RIT1: variants seen among roughly 807,000 people sequenced by gnomAD.
RIT1 encodes the protein GTP-binding protein Rit1.
A neutral mutation model predicts 25.6 loss-of-function variants in RIT1; 6 were observed. The observed-to-expected ratio is 0.23, with a 90% confidence interval of 0.13 to 0.46. The LOEUF is 0.46. Ranked by LOEUF, RIT1 falls within the 20% of genes least tolerant of loss-of-function variation. RIT1 has a pLI of 0.99. For synonymous variants in RIT1, 81 were observed against 94.1 expected (o/e 0.86, Z 0.80); for missense variants, 219 against 284.4 (o/e 0.77, Z 1.65).
chr1:155,908,605 C>A (rs1470105991), intron 3 of RIT1, among the ~76,000 whole-genome samples: 1 of 150,910 alleles, frequency 6.6e-6, no homozygotes, highest in Non-Finnish European at 1.5e-5. Flanking sequence ...TCTTATCCCC[C>A]AGGCTGGAGT....
intron 3 of RIT1, among the ~76,000 whole-genome samples, chr1:155,905,147 T>C (rs572797151): frequency 2.0e-5 from 3 of 152,178 alleles, no homozygotes; most frequent in Non-Finnish European, 2.9e-5. Context: ...GACAGGAGTA[T>C]TGTTTGAGCC....
intron 3 of RIT1, 63 bp from the exon 4 acceptor site, chr1:155,904,867 A>G (rs909617049): frequency 1.8e-5 from 20 of 1,082,306 alleles, no homozygotes; most frequent in Non-Finnish European, 2.6e-5. Flanking sequence ...CCTATTTAAA[A>G]CTCATCTTAC....
chr1:155,904,919 T>C lies in RIT1; in HGVS notation c.164-115A>G, dbSNP rs1374853154. 7 of 697,564 alleles carry C rather than the reference T, an allele frequency of 1.0e-5. No homozygotes were observed. The East Asian group carries it at 1.8e-4, about 18-fold the overall frequency. The allele number at this position is 697,564 out of a possible 1,614,324, so 43.2% of individuals were successfully genotyped here. A position where few individuals can be genotyped will look rare whatever the true frequency, so the allele number is the denominator to read the frequency against. ...TCCAAATTCATTAAATGCCCACATTTTCTCAGGAAGCATGCTAAATCCACT... is the reference window on the plus strand; with the variant it reads ...TCCAAATTCATTAAATGCCCACATTCTCTCAGGAAGCATGCTAAATCCACT... On this transcript the variant is annotated intron_variant, in intron 3 of 5. Transcript: ENST00000368323.
chr1:155,899,368 A>G lies in RIT1; in HGVS notation c.*1020T>C. The G allele has an allele frequency of 4.4e-6, 1 of 225,426 alleles. No individual in the cohort carries two copies. Among genetic ancestry groups the G allele is most frequent in the Non-Finnish European group, 8.9e-6 (1 of 112,752 alleles). 14.0% of individuals were successfully genotyped at this position (225,426 alleles called of 1,614,324 possible). ...AGAGCACTGAGTCTAGTGATTGTCC[A>G]CGTCAAGGAGGCACACACACAATTT... On this transcript the variant is annotated 3_prime_UTR_variant, in exon 6 of 6. Coordinates refer to ENST00000368323, the MANE Select transcript of RIT1 (RefSeq NM_006912.6).
At position 155,910,779 on chromosome 1, in the gene RIT1, CCT is replaced by C; in HGVS notation, c.-20_-19del. 6.2e-7 allele frequency: 1 copy of C among 1,614,208 alleles called. No homozygotes were observed. The highest frequency in any genetic ancestry group is 8.5e-7 in the Non-Finnish European group (1 of 1,180,034). On this transcript the variant is annotated 5_prime_UTR_variant, in exon 2 of 6. Transcript: ENST00000368323. ...GAATCCATTGTCCTCTTGGGGCCTT[CCT>C]CGGTTGCCCCGAGGAAAAGCCACCT...
intron 5 of RIT1, among the ~76,000 whole-genome samples, chr1:155,901,628 G>GGT (rs1673314768): frequency 6.6e-6 from 1 of 151,892 alleles, no homozygotes; most frequent in Non-Finnish European, 1.5e-5. Context: ...CTCCAGCCTG[G>GGT]GTGACAGAGC....
At chr1:155,909,081 A>C (rs988223303) in intron 3 of RIT1, among the ~76,000 whole-genome samples, 4 of 151,922 alleles carry the variant, frequency 2.6e-5, no homozygotes, top group African/African-American at 4.8e-5. Flanking sequence ...AGTGTCACAT[A>C]CTGAAAATAA....
Position 155,898,518 on chromosome 1 carries a change from A to AAAAAAAAAAATATATATAT in RIT1, c.*1869_*1870insATATATATATTTTTTTTTT, listed in dbSNP as rs1557956996. The AAAAAAAAAAATATATATAT allele has an allele frequency of 2.5e-5, 1 of 40,754 alleles. No homozygotes were observed. Among genetic ancestry groups the AAAAAAAAAAATATATATAT allele is most frequent in the Non-Finnish European group, 4.7e-5 (1 of 21,368 alleles). The allele number at this position is 40,754 out of a possible 1,614,324, so 2.5% of individuals were successfully genotyped here. ...AAAAAAAAAAAAAAAAAAAAAAAAA[A>AAAAAAAAAAATATATATAT]ATATATATATATATATATATATATA... On this transcript the variant is annotated 3_prime_UTR_variant, in exon 6 of 6. Transcript: ENST00000368323.
Position 155,905,570 on chromosome 1 carries a change from T to C in RIT1, c.164-766A>G, listed in dbSNP as rs564018962. On this transcript the variant is annotated intron_variant, in intron 3 of 5. Coordinates refer to ENST00000368323, the MANE Select transcript of RIT1 (RefSeq NM_006912.6). ...AACTTTACCATTTATTAAATTGTTA[T>C]TATCTACCAGACATTATACTAAGTA... Among the ~76,000 whole-genome samples, 10 of 152,282 alleles carry C rather than the reference T, an allele frequency of 6.6e-5. 1 individual carries two copies. Among genetic ancestry groups the C allele is most frequent in the Admixed American group, 3.3e-4 (5 of 15,288 alleles).
At chr1:155,907,639 T>C (rs1571996796) in intron 3 of RIT1, among the ~76,000 whole-genome samples, 1 of 152,166 alleles carries the variant, frequency 6.6e-6, no homozygotes, top group Non-Finnish European at 1.5e-5. Context: ...TGCACTAAAT[T>C]AGAAACTCAA....
rs763494925 is a variant in RIT1, at chr1:155,904,518, G to A, written c.238-16C>T. On this transcript the variant is annotated splice_polypyrimidine_tract_variant and intron_variant, in intron 4 of 5. Coordinates refer to ENST00000368323, the MANE Select transcript of RIT1 (RefSeq NM_006912.6). ...TAAACTCTGCCTAGAGGGAAACAAG[G>A]GTCATTATGTATTGACGCAATCTAG... 1.2e-6 allele frequency: 2 copies of A among 1,604,338 alleles called. No homozygotes were observed. Among genetic ancestry groups the A allele is most frequent in the Non-Finnish European group, 8.5e-7 (1 of 1,172,174 alleles).
chr1:155,911,248 A>C lies in RIT1; in HGVS notation c.-49T>G. On this transcript the variant is annotated 5_prime_UTR_variant, in exon 1 of 6. Coordinates refer to ENST00000368323, the MANE Select transcript of RIT1 (RefSeq NM_006912.6). Reference sequence around the variant, plus strand: ...CAGACTCCCCACCCCTCTACCTCACAAGCCGACGCCCTGCTGCTCCTACTG... The same window carrying C: ...CAGACTCCCCACCCCTCTACCTCACCAGCCGACGCCCTGCTGCTCCTACTG... 1.0e-5 allele frequency: 3 copies of C among 298,790 alleles called. No homozygotes were observed. Among genetic ancestry groups the C allele is most frequent in the Middle Eastern group, 1.0e-3 (1 of 956 alleles). The allele number at this position is 298,790 out of a possible 1,614,324, so 18.5% of individuals were successfully genotyped here. A position where few individuals can be genotyped will look rare whatever the true frequency, so the allele number is the denominator to read the frequency against.
rs1187504756 is a variant in RIT1, at chr1:155,898,080, A to G, written c.*2308T>C. ...TTTTTCTCTTCTCAAAGTTCTAGGC[A>G]GTAATTTTAATGCCCTCAAATTAGA... On this transcript the variant is annotated 3_prime_UTR_variant, in exon 6 of 6. Transcript: ENST00000368323. 5 of 152,464 alleles carry G rather than the reference A, an allele frequency of 3.3e-5. No homozygotes were observed. In the East Asian group the frequency reaches 9.4e-4, roughly 29 times the overall value. The allele number at this position is 152,464 out of a possible 1,614,324, so 9.4% of individuals were successfully genotyped here. A position where few individuals can be genotyped will look rare whatever the true frequency, so the allele number is the denominator to read the frequency against.
At position 155,911,161 on chromosome 1, in the gene RIT1, G is replaced by A. The variant is rs490498; in HGVS notation, c.-44+82C>T. On this transcript the variant is annotated intron_variant, in intron 1 of 5. Transcript: ENST00000368323. ...TCTCTCACGTCTGCGGTACCCAGAG[G>A]TTCCGCCCCCTCCCCATTCTCCTCC... 277,561 of 501,298 alleles carry A rather than the reference G, an allele frequency of 0.55. 86,855 individuals carry two copies. The highest frequency in any genetic ancestry group is 0.66 in the Non-Finnish European group (186,570 of 281,576). The allele number at this position is 501,298 out of a possible 1,614,324, so 31.1% of individuals were successfully genotyped here.
At chr1:155,903,953 T>C (rs1004446680) in intron 5 of RIT1, among the ~76,000 whole-genome samples, 4 of 152,178 alleles carry the variant, frequency 2.6e-5, no homozygotes, top group Non-Finnish European at 5.9e-5. Flanking sequence ...GAGGCTGCAG[T>C]AAGCTGTAGC....
rs397808743 is a variant in RIT1 at position 155,899,644 on chromosome 1, T to TAA, written c.*742_*743dup. ...TTCCCAAAATGTCTACCTTTGAAGG[T>TAA]AAAAAAAAAAAGAAAACCCTGAAAT... On this transcript the variant is annotated 3_prime_UTR_variant, in exon 6 of 6. Coordinates refer to ENST00000368323, the MANE Select transcript of RIT1 (RefSeq NM_006912.6). The TAA allele has an allele frequency of 9.1e-3, 1,893 of 207,430 alleles. 16 individuals carry two copies. The highest frequency in any genetic ancestry group is 0.025 in the African/African-American group (1,090 of 42,830). The allele number at this position is 207,430 out of a possible 1,614,324, so 12.8% of individuals were successfully genotyped here. A position where few individuals can be genotyped will look rare whatever the true frequency, so the allele number is the denominator to read the frequency against.
rs1410688446 is a variant in RIT1 at position 155,900,492 on chromosome 1, CT to C, written c.555del (p.Glu186LysfsTer22). On this transcript the variant is annotated frameshift_variant, in exon 6 of 6. Coordinates refer to ENST00000368323, the MANE Select transcript of RIT1 (RefSeq NM_006912.6). LOFTEE classifies it high-confidence loss of function. ...FHALVREIRRKEKEAVLAMEK... is the reference protein window; with the variant it reads ...FHALVREIRRXEKEAVLAMEK... ...TCCATGGCCAGTACTGCCTCCTTTT[CT>C]TTCCTACGTATCTCCCGTACAAGGG... 6.2e-7 allele frequency: 1 copy of C among 1,614,160 alleles called. No homozygotes were observed. Among genetic ancestry groups the C allele is most frequent in the Admixed American group, 1.7e-5 (1 of 60,014 alleles).
chr1:155,911,120 C>T, intron 1 of RIT1, 123 bp downstream of exon 1: 1 of 591,130 alleles, frequency 1.7e-6, no homozygotes, highest in Non-Finnish European at 2.9e-6. Flanking sequence ...GATGCGGCCC[C>T]TTAGGCCGCA....
In RIT1 at chr1:155,900,420, G is replaced by A. The variant is rs757684037; in HGVS notation, c.628C>T (p.Pro210Ser). Residue 210 changes from proline (P) to serine (S), a missense_variant, in exon 6 of 6, where the codon CCA becomes TCA. By Grantham distance (74) the Pro-to-Ser change is moderately conservative (BLOSUM62 -1). Around this residue, in one of 3 missense-constraint regions of RIT1, gnomAD observed 81 missense variants for 83.8 expected, o/e 0.97. Transcript: ENST00000368323. Reference protein sequence around the residue: ...KNSVWKRLKSPFRKKKDSVT With the variant: ...KNSVWKRLKSSFRKKKDSVT The stretch of plus-strand genomic sequence containing the variant: ...ACTGAATCTTTCTTCTTCCGGAATG[G>A]TGATTTTAGCCTCTTCCATACACTG... The A allele has an allele frequency of 1.2e-6, 2 of 1,614,010 alleles. No individual in the cohort carries two copies. Among genetic ancestry groups the A allele is most frequent in the Admixed American group, 1.7e-5 (1 of 60,000 alleles).
Sources: gnomAD v4.1 joint callset for allele counts (sites outside exome capture counted in the v4.1 genomes callset) on GRCh38, gnomAD v4.1.1 for gene constraint, gnomAD v4.1.1 regional missense constraint, MANE v1.5 for transcripts, NCBI Gene and HGNC (gene_info 2026-07-23, HGNC 2026-07-21) for gene names.